Variants in BBS7 observed in about 807,000 individuals in gnomAD.
BBS7 encodes BBSome complex member BBS7.
Under a neutral mutation model 90.3 loss-of-function variants are expected in BBS7, and 50 were observed. The ratio of observed to expected loss-of-function variants is 0.55; its 90% CI spans 0.44 to 0.70. BBS7 has a LOEUF of 0.70. Among genes scored for constraint, BBS7 ranks in the 30% least tolerant of loss-of-function variants. The pLI, the probability that BBS7 is intolerant of heterozygous loss-of-function variation, is 0.00. For missense variants in BBS7, 729 were observed against 838.9 expected (o/e 0.87, Z 1.62); for synonymous variants, 235 against 287.4 (o/e 0.82, Z 1.85).
Position 121,859,094 on chromosome 4 carries a change from A to G in BBS7, c.426T>C (p.Leu142=). The change falls in exon 5 of 19, where the codon CTT becomes CTC. Residue 142 remains leucine (L), a synonymous_variant. Transcript: ENST00000264499. Reference sequence around the variant, plus strand: ...TCACATCATTGATTTTATCCCCAGAAAGGTAATAATGTTGGTCTTTGCAGT... The same window carrying G: ...TCACATCATTGATTTTATCCCCAGAGAGGTAATAATGTTGGTCTTTGCAGT... ...YCDCKDQHYY[L]SGDKINDVIC... 1 of 1,613,902 alleles carries G rather than the reference A, an allele frequency of 6.2e-7. No homozygotes were observed. Among genetic ancestry groups the G allele is most frequent in the South Asian group, 1.1e-5 (1 of 91,080 alleles).
At chr4:121,834,171 G>T (rs1725332870) in intron 14 of BBS7, among the ~76,000 whole-genome samples, 1 of 152,136 alleles carries the variant, frequency 6.6e-6, no homozygotes, top group African/African-American at 2.4e-5. Context: ...TGCAGTTTAT[G>T]AAATGAAAAG....
chr4:121,847,138 C>T (rs1410588016), intron 10 of BBS7, among the ~76,000 whole-genome samples: 3 of 152,124 alleles, frequency 2.0e-5, no homozygotes, highest in Non-Finnish European at 2.9e-5. Context: ...ATGACACACA[C>T]ACACAAAAAA....
intron 15 of BBS7, among the ~76,000 whole-genome samples, chr4:121,829,128 T>C (rs1382584458): frequency 6.6e-6 from 1 of 152,222 alleles, no homozygotes; most frequent in Non-Finnish European, 1.5e-5. Context: ...TGTGACTATA[T>C]GCTTTATCCT....
intron 12 of BBS7, 107 bp from the exon 13 acceptor site, chr4:121,839,803 G>A (rs1725643670): frequency 2.1e-6 from 2 of 934,666 alleles, no homozygotes; most frequent in Non-Finnish European, 3.4e-6. Flanking sequence ...ACCTGTCATT[G>A]GTGCTCAGCG....
intron 13 of BBS7, among the ~76,000 whole-genome samples, chr4:121,836,195 T>G (rs564103103): frequency 6.6e-6 from 1 of 152,312 alleles, no homozygotes; most frequent in East Asian, 1.9e-4. Flanking sequence ...TTCACTAAGC[T>G]AGGAAGATCT....
chr4:121,833,155 T>A (rs1560642402), intron 15 of BBS7, 76 bp downstream of exon 15: 2 of 1,411,692 alleles, frequency 1.4e-6, no homozygotes, highest in East Asian at 2.3e-5. Flanking sequence ...CACAAATAAC[T>A]CCTAACTTAA....
chr4:121,861,442 C>G, intron 4 of BBS7, 62 bp downstream of exon 4: 1 of 1,499,326 alleles, frequency 6.7e-7, no homozygotes, highest in East Asian at 2.3e-5. Context: ...TTAGTTGCCT[C>G]ACATCTATCC....
At chr4:121,845,281 T>C (rs944273532) in intron 11 of BBS7, among the ~76,000 whole-genome samples, 21 of 151,888 alleles carry the variant, frequency 1.4e-4, no homozygotes, top group Non-Finnish European at 2.6e-4. Context: ...GGCAGGAGAA[T>C]CACTTGAACC....
At chr4:121,831,486 G>A (rs1033621699) in intron 15 of BBS7, among the ~76,000 whole-genome samples, 6 of 151,412 alleles carry the variant, frequency 4.0e-5, no homozygotes, top group African/African-American at 1.5e-4. Flanking sequence ...TAGCTATTAA[G>A]TTGGACCTTA....
At chr4:121,839,219 C>G (rs1450976420) in intron 13 of BBS7, among the ~76,000 whole-genome samples, 1 of 151,948 alleles carries the variant, frequency 6.6e-6, no homozygotes, top group East Asian at 1.9e-4. Flanking sequence ...ATGTTTGAAA[C>G]TTTCTATAAT....
intron 2 of BBS7, among the ~76,000 whole-genome samples, chr4:121,864,695 T>C (rs1727163101): frequency 6.6e-6 from 1 of 152,202 alleles, no homozygotes; most frequent in Admixed American, 6.5e-5. Flanking sequence ...TTTTGAGAAG[T>C]GCTAATCTAG....
intron 5 of BBS7, 94 bp from the exon 6 acceptor site, chr4:121,855,655 T>C (rs1726571410): frequency 9.2e-7 from 1 of 1,086,150 alleles, no homozygotes; most frequent in Admixed American, 1.8e-5. Flanking sequence ...ACAGTACTCT[T>C]AGTAACACCT....
At position 121,824,757 on chromosome 4, in the gene BBS7, C is replaced by T. The variant is rs1042928694; in HGVS notation, c.*1103G>A. ...TTAAAATAAAACTCTCTTAACTATA[C>T]GTGCCTTTAACAAATTTTTATATTT... On this transcript the variant is annotated 3_prime_UTR_variant, in exon 19 of 19. Transcript: ENST00000264499. The surrounding 1 kb of genome is among the most constrained non-coding windows in gnomAD (Gnocchi z 4.1). 5 of 151,570 alleles carry T rather than the reference C, an allele frequency of 3.3e-5. No homozygotes were observed. Among genetic ancestry groups the T allele is most frequent in the Admixed American group, 6.6e-5 (1 of 15,222 alleles). 9.4% of individuals were successfully genotyped at this position (151,570 alleles called of 1,614,324 possible).
chr4:121,839,947 A>C (rs1216581423), intron 12 of BBS7, among the ~76,000 whole-genome samples: 2 of 152,240 alleles, frequency 1.3e-5, no homozygotes, highest in Non-Finnish European at 2.9e-5. Context: ...ACTGGAATTC[A>C]AATTCCTATC....
chr4:121,854,905 C>A (rs1485592338), intron 6 of BBS7, 85 bp from the exon 7 acceptor site: 4 of 1,329,634 alleles, frequency 3.0e-6, no homozygotes, highest in African/African-American at 1.5e-5. Flanking sequence ...GTAAAAATAT[C>A]ATTTTAAAAA....
chr4:121,861,656 C>A lies in BBS7; in HGVS notation c.189G>T (p.Gly63=), dbSNP rs541833400. The A allele has an allele frequency of 1.1e-5, 18 of 1,613,396 alleles. No individual in the cohort carries two copies. The East Asian group carries it at 2.5e-4, about 22-fold the overall frequency. Residue 63 remains glycine, a synonymous_variant, in exon 4 of 19, where the codon GGG becomes GGT. Transcript: ENST00000264499. ...EAAAVFKTLP[G]PKIARLELGG... ...CCAGTTCCAGCCTTGCAATCTTCGG[C>A]CCGGGTAAAGTCTTGAACACTGCCT...
intron 4 of BBS7, among the ~76,000 whole-genome samples, chr4:121,860,404 A>C (rs1306335252): frequency 6.6e-6 from 1 of 152,110 alleles, no homozygotes; most frequent in Admixed American, 6.5e-5. Flanking sequence ...GTTTTCCTAT[A>C]AAACCTTACA....
chr4:121,861,831 C>T, intron 3 of BBS7, 152 bp from the exon 4 acceptor site: 1 of 732,316 alleles, frequency 1.4e-6, no homozygotes, highest in South Asian at 1.9e-5. Context: ...TATACTTCAG[C>T]AGGTCTTCAG....
At chr4:121,845,037 T>C (rs1725929523) in intron 11 of BBS7, among the ~76,000 whole-genome samples, 1 of 152,156 alleles carries the variant, frequency 6.6e-6, no homozygotes, top group Non-Finnish European at 1.5e-5. Flanking sequence ...AGCAAACCAA[T>C]TATCTAAAGG....
Sources: allele counts gnomAD v4.1 joint callset (sites outside exome capture counted in the v4.1 genomes callset), GRCh38; gene constraint gnomAD v4.1.1; non-coding constraint Gnocchi (gnomAD v3.1); transcripts MANE v1.5; gene names NCBI Gene and HGNC (gene_info 2026-07-23, HGNC 2026-07-21).